ADAMTS5: variants seen among roughly 807,000 people sequenced by gnomAD.
The protein encoded by ADAMTS5 is ADAM metallopeptidase with thrombospondin type 1 motif 5, also known as A disintegrin and metalloproteinase with thrombospondin motifs 5.
In ADAMTS5, 54 loss-of-function variants were observed where a neutral mutation model predicts 81.4. The observed-to-expected ratio is 0.66, with a 90% confidence interval of 0.53 to 0.83. The LOEUF (loss-of-function observed/expected upper bound fraction) is 0.83. ADAMTS5 is among the 40% of genes least tolerant of loss of function. The pLI, the probability that ADAMTS5 is intolerant of heterozygous loss-of-function variation, is 0.00. For synonymous variants in ADAMTS5, 532 were observed against 508.8 expected (o/e 1.05, Z -0.61); for missense variants, 1,194 against 1,229.9 (o/e 0.97, Z 0.44).
intron 4 of ADAMTS5, 95 bp downstream of exon 4, chr21:26,934,371 A>T (rs1370534951): frequency 6.8e-7 from 1 of 1,472,710 alleles, no homozygotes; most frequent in East Asian, 2.3e-5. Context: ...TTAAATTAGA[A>T]AATAAAGCCT....
At chr21:26,934,914 C>T (rs1031014924) in intron 3 of ADAMTS5, among the ~76,000 whole-genome samples, 165 bp from the exon 4 acceptor site, 10 of 152,056 alleles carry the variant, frequency 6.6e-5, no homozygotes, top group Non-Finnish European at 1.3e-4. Context: ...AGGCTGGGAG[C>T]CCCCTTGGAC....
At chr21:26,925,256 A>G (rs1055171852) in intron 7 of ADAMTS5, among the ~76,000 whole-genome samples, 2 of 152,188 alleles carry the variant, frequency 1.3e-5, no homozygotes, top group African/African-American at 4.8e-5. Flanking sequence ...GAGTCTCTGC[A>G]TTCCTTTCTA....
At chr21:26,934,417 A>C in intron 4 of ADAMTS5, 49 bp downstream of exon 4, 1 of 1,593,328 alleles carries the variant, frequency 6.3e-7, no homozygotes, top group Non-Finnish European at 8.6e-7. Flanking sequence ...ACAAGAATGC[A>C]CTTCACTTCT....
chr21:26,930,332 C>T (rs1443435065), intron 6 of ADAMTS5, among the ~76,000 whole-genome samples: 2 of 152,218 alleles, frequency 1.3e-5, no homozygotes, highest in Non-Finnish European at 2.9e-5. Context: ...ACAAGGTACT[C>T]ATCTTCGTTT....
chr21:26,948,495 G>A (rs1987257684), intron 2 of ADAMTS5, among the ~76,000 whole-genome samples: 1 of 152,186 alleles, frequency 6.6e-6, no homozygotes, highest in East Asian at 1.9e-4. Context: ...GATTATGGAG[G>A]TGCACGGTCT....
At chr21:26,956,701 G>T (rs938648097) in intron 1 of ADAMTS5, among the ~76,000 whole-genome samples, 2 of 151,960 alleles carry the variant, frequency 1.3e-5, no homozygotes, top group African/African-American at 4.8e-5. Flanking sequence ...ACAATTTGGG[G>T]TATTTATCTT....
At chr21:26,942,985 C>T (rs1225165505) in intron 3 of ADAMTS5, among the ~76,000 whole-genome samples, 1 of 152,110 alleles carries the variant, frequency 6.6e-6, no homozygotes, top group Non-Finnish European at 1.5e-5. Context: ...CTTAACTGCA[C>T]CCCTATAATA....
chr21:26,932,420 G>A (rs1178159681), intron 5 of ADAMTS5, among the ~76,000 whole-genome samples: 5 of 152,086 alleles, frequency 3.3e-5, no homozygotes, highest in Non-Finnish European at 2.9e-5. Context: ...GTGGCTGGGC[G>A]TGGTGCCTCA....
intron 6 of ADAMTS5, among the ~76,000 whole-genome samples, 176 bp from the exon 7 acceptor site, chr21:26,930,237 T>G (rs1986882903): frequency 6.6e-6 from 1 of 152,088 alleles, no homozygotes; most frequent in Admixed American, 6.5e-5. Flanking sequence ...GAAAAATCCT[T>G]GTCATATTGC....
intron 7 of ADAMTS5, among the ~76,000 whole-genome samples, chr21:26,928,547 A>G (rs1030029646): frequency 2.6e-5 from 4 of 152,168 alleles, no homozygotes; most frequent in Non-Finnish European, 5.9e-5. Flanking sequence ...ATAAGGTATT[A>G]CTTTTTAAAA....
chr21:26,964,878 AG>A (rs1402506961), intron 1 of ADAMTS5, among the ~76,000 whole-genome samples: 1 of 152,266 alleles, frequency 6.6e-6, no homozygotes, highest in Non-Finnish European at 1.5e-5. Context: ...CCTTTCCATT[AG>A]GTGGGACAAG....
rs1986879191 is a variant in ADAMTS5, at chr21:26,930,061, C to G, written c.2050G>C (p.Val684Leu). The G allele has an allele frequency of 1.9e-6, 3 of 1,613,382 alleles. No individual in the cohort carries two copies. Among genetic ancestry groups the G allele is most frequent in the Non-Finnish European group, 2.5e-6 (3 of 1,179,508 alleles). ...TGYYVVFSPK[V>L]TDGTECRLYS... ...AGCCTACATTCAGTGCCATCGGTCA[C>G]CTGAATCATGGCAAATGCATTAGGA... Residue 684 changes from valine to leucine, a missense_variant and splice_region_variant, in exon 7 of 8, where the codon GTG becomes CTG. Physicochemically the swap from Val to Leu is conservative, Grantham distance 32. This residue lies in a region of ADAMTS5 where 696 missense variants were observed against 817.6 expected (regional missense o/e 0.85). Transcript: ENST00000284987.
intron 2 of ADAMTS5, among the ~76,000 whole-genome samples, chr21:26,954,515 C>T (rs981078089): frequency 6.6e-6 from 1 of 152,184 alleles, no homozygotes; most frequent in African/African-American, 2.4e-5. Context: ...TTCTCTTGAA[C>T]TTTTAAATGA....
rs1986723228 is a variant in ADAMTS5 at position 26,922,701 on chromosome 21, C to G, written c.*1352G>C. 1 of 152,410 alleles carries G rather than the reference C, an allele frequency of 6.6e-6. No homozygotes were observed. Among genetic ancestry groups the G allele is most frequent in the Non-Finnish European group, 1.5e-5 (1 of 67,964 alleles). The allele number at this position is 152,410 out of a possible 1,614,324, so 9.4% of individuals were successfully genotyped here. On this transcript the variant is annotated 3_prime_UTR_variant, in exon 8 of 8. Coordinates refer to ENST00000284987, the MANE Select transcript of ADAMTS5 (RefSeq NM_007038.5). ...CTTAAACAGGCTATGGAAACAAAAACAACAACTTTCTGAAAATCATCACAT... is the reference window on the plus strand; with the variant it reads ...CTTAAACAGGCTATGGAAACAAAAAGAACAACTTTCTGAAAATCATCACAT...
At chr21:26,931,983 G>A (rs751065622) in intron 6 of ADAMTS5, 21 bp downstream of exon 6, 14 of 1,595,672 alleles carry the variant, frequency 8.8e-6, no homozygotes, top group African/African-American at 2.7e-5. Context: ...TACTGCTTCT[G>A]GACAGTTGGT....
chr21:26,937,196 C>T (rs573364356), intron 3 of ADAMTS5, among the ~76,000 whole-genome samples: 2 of 95,138 alleles, frequency 2.1e-5, no homozygotes, highest in East Asian at 2.2e-4. Flanking sequence ...GAAAAAGAAA[C>T]GTGTAATGCA....
intron 3 of ADAMTS5, among the ~76,000 whole-genome samples, chr21:26,942,593 T>G (rs1165123336): frequency 6.6e-6 from 1 of 152,158 alleles, no homozygotes; most frequent in Non-Finnish European, 1.5e-5. Flanking sequence ...TTTAAAGTAC[T>G]GAAGAATGCT....
rs918899783 is a variant in ADAMTS5, at chr21:26,920,473, C to T, written c.*3580G>A. On this transcript the variant is annotated 3_prime_UTR_variant, in exon 8 of 8. Coordinates refer to ENST00000284987, the MANE Select transcript of ADAMTS5 (RefSeq NM_007038.5). Reference sequence around the variant, plus strand: ...TATACAAACCCAATCTATTTGTGCTCATCTGTAGAATCCTACAGACACTAG... The same window carrying T: ...TATACAAACCCAATCTATTTGTGCTTATCTGTAGAATCCTACAGACACTAG... The T allele has an allele frequency of 9.9e-5, 15 of 152,060 alleles. No individual in the cohort carries two copies. The highest frequency in any genetic ancestry group is 2.0e-4 in the Admixed American group (3 of 15,258). 9.4% of individuals were successfully genotyped at this position (152,060 alleles called of 1,614,324 possible).
At chr21:26,927,194 T>C (rs1478344362) in intron 7 of ADAMTS5, among the ~76,000 whole-genome samples, 1 of 152,208 alleles carries the variant, frequency 6.6e-6, no homozygotes, top group African/African-American at 2.4e-5. Context: ...ATCTGCACAG[T>C]GCCAAGGACA....
Sources: gnomAD v4.1 joint callset for allele counts (sites outside exome capture counted in the v4.1 genomes callset) on GRCh38, gnomAD v4.1.1 for gene constraint, gnomAD v4.1.1 regional missense constraint, MANE v1.5 for transcripts, NCBI Gene and HGNC (gene_info 2026-07-23, HGNC 2026-07-21) for gene names.